AGBL4: variants seen among roughly 807,000 people sequenced by gnomAD.
AGBL4 encodes AGBL carboxypeptidase 4, also known as cytosolic carboxypeptidase 6.
AGBL4 carries 58 observed loss-of-function variants against 66.4 expected under a neutral mutation model. The ratio of observed to expected loss-of-function variants is 0.87; its 90% CI spans 0.71 to 1.09. The LOEUF (loss-of-function observed/expected upper bound fraction) is 1.09. Ranked by LOEUF, AGBL4 falls within the 50% of genes least tolerant of loss-of-function variation. The pLI, the probability that AGBL4 is intolerant of heterozygous loss-of-function variation, is 0.00. For synonymous variants in AGBL4, 234 were observed against 222.9 expected, an observed-to-expected ratio of 1.05 and a Z score of -0.44; for missense variants, 579 against 631.0, an observed-to-expected ratio of 0.92 and a Z score of 0.88.
intron 9 of AGBL4, among the ~76,000 whole-genome samples, chr1:48,601,057 C>G (rs1472616126): frequency 6.6e-6 from 1 of 152,176 alleles, no homozygotes; most frequent in Non-Finnish European, 1.5e-5. Flanking sequence ...AAATGATGAA[C>G]TCCTGACCTC....
intron 3 of AGBL4, among the ~76,000 whole-genome samples, chr1:49,498,097 T>G (rs1476035195): frequency 6.6e-6 from 1 of 152,028 alleles, no homozygotes; most frequent in Non-Finnish European, 1.5e-5. Flanking sequence ...CTTGGTTAAA[T>G]TTATTCTTAA....
In AGBL4 at chr1:49,117,234, T is replaced by C. The variant is rs531542640; in HGVS notation, c.378-71434A>G. Among the ~76,000 whole-genome samples the C allele has an allele frequency of 2.0e-5, 3 of 152,288 alleles. No individual in the cohort carries two copies. The East Asian group carries it at 5.8e-4, about 29-fold the overall frequency. On this transcript the variant is annotated intron_variant, in intron 4 of 13. Coordinates refer to ENST00000371839, the MANE Select transcript of AGBL4 (RefSeq NM_032785.4). ...AGCTCTTTAGTTTAATTAGATCCCATTTGTCTATTTTAGCTTTTGTTGCCA... is the reference window on the plus strand; with the variant it reads ...AGCTCTTTAGTTTAATTAGATCCCACTTGTCTATTTTAGCTTTTGTTGCCA...
chr1:49,531,517 T>A (rs1257406544), intron 3 of AGBL4, among the ~76,000 whole-genome samples: 1 of 152,106 alleles, frequency 6.6e-6, no homozygotes, highest in Non-Finnish European at 1.5e-5. Flanking sequence ...AAACTTACAA[T>A]AATTGTGACT....
chr1:48,821,856 C>T (rs764958891), intron 6 of AGBL4, among the ~76,000 whole-genome samples: 2 of 152,152 alleles, frequency 1.3e-5, no homozygotes, highest in Non-Finnish European at 2.9e-5. Context: ...ATTAAGAACT[C>T]ATACAAATCC....
intron 2 of AGBL4, among the ~76,000 whole-genome samples, chr1:49,699,439 T>C (rs1382626562): frequency 6.6e-6 from 1 of 152,038 alleles, no homozygotes; most frequent in Admixed American, 6.6e-5. Flanking sequence ...TGGTTCTCTT[T>C]CATTAAATGA....
At chr1:48,871,413 G>A (rs1318653841) in intron 5 of AGBL4, among the ~76,000 whole-genome samples, 6 of 150,722 alleles carry the variant, frequency 4.0e-5, no homozygotes, top group African/African-American at 1.5e-4. Context: ...GTTTGGGGTC[G>A]GGGAGAGGAC....
chr1:49,779,866 CCT>C (rs1571549985), intron 2 of AGBL4, among the ~76,000 whole-genome samples: 2 of 152,036 alleles, frequency 1.3e-5, no homozygotes, highest in African/African-American at 4.8e-5. Flanking sequence ...AATGCAAAGA[CCT>C]CCAAACTCAG....
intron 11 of AGBL4, among the ~76,000 whole-genome samples, chr1:48,576,397 T>C (rs1039915261): frequency 6.6e-6 from 1 of 152,122 alleles, no homozygotes; most frequent in Non-Finnish European, 1.5e-5. Flanking sequence ...GCCAAAAAGG[T>C]TGGGGACTGC....
At chr1:49,914,030 A>C (rs1651132654) in intron 1 of AGBL4, among the ~76,000 whole-genome samples, 1 of 152,168 alleles carries the variant, frequency 6.6e-6, no homozygotes, top group Admixed American at 6.5e-5. Context: ...CCCATTGTCT[A>C]TATGAATAGC....
At chr1:49,079,388 T>G (rs1644766891) in intron 4 of AGBL4, among the ~76,000 whole-genome samples, 1 of 152,054 alleles carries the variant, frequency 6.6e-6, no homozygotes, top group Admixed American at 6.6e-5. Flanking sequence ...TCAGGAAACT[T>G]ACAATCATGA....
At chr1:48,730,933 A>C (rs1030813193) in intron 6 of AGBL4, among the ~76,000 whole-genome samples, 2 of 152,218 alleles carry the variant, frequency 1.3e-5, no homozygotes, top group Non-Finnish European at 2.9e-5. Context: ...TCATTAGAGC[A>C]AGACTCTGCT....
intron 3 of AGBL4, among the ~76,000 whole-genome samples, chr1:49,376,429 T>G (rs557988397): frequency 5.9e-5 from 9 of 152,168 alleles, no homozygotes; most frequent in Admixed American, 1.3e-4. Context: ...GGTAGGATAC[T>G]TATTCTGTCC....
rs190921555 is a variant in AGBL4 at position 49,015,568 on chromosome 1, G to A, written c.594+30016C>T. 1.3e-4 allele frequency among the ~76,000 whole-genome samples: 19 copies of A among 151,512 alleles called. No individual in the cohort carries two copies. In the East Asian group the frequency reaches 3.7e-3, roughly 30 times the overall value. On this transcript the variant is annotated intron_variant, in intron 5 of 13. Transcript: ENST00000371839. The stretch of plus-strand genomic sequence containing the variant: ...TTCCTGAGTAGCTGGGACTACAGGC[G>A]CCCGCCACCACGCCTGGCTAATTTT...
chr1:49,567,657 T>C (rs977853696), intron 3 of AGBL4, among the ~76,000 whole-genome samples: 1 of 152,214 alleles, frequency 6.6e-6, no homozygotes, highest in Non-Finnish European at 1.5e-5. Context: ...TTTCTGCACC[T>C]ATCAACCCAT....
At chr1:49,707,649 G>T (rs760054424) in intron 2 of AGBL4, among the ~76,000 whole-genome samples, 1 of 151,902 alleles carries the variant, frequency 6.6e-6, no homozygotes, top group Non-Finnish European at 1.5e-5. Context: ...TCATAGTGTC[G>T]ATGGTCTCTA....
rs189323457 is a variant in AGBL4, at chr1:49,172,864, G to T, written c.377+72906C>A. Among the ~76,000 whole-genome samples the T allele has an allele frequency of 1.1e-3, 172 of 152,304 alleles. 1 individual carries two copies. Among genetic ancestry groups the T allele is most frequent in the African/African-American group, 4.1e-3 (169 of 41,582 alleles). Reference sequence around the variant, plus strand: ...CTCTAGGCTGGGCGCAGTGGCTCACGCCTGTAATCCCAGCACCGTGGGAGG... The same window carrying T: ...CTCTAGGCTGGGCGCAGTGGCTCACTCCTGTAATCCCAGCACCGTGGGAGG... On this transcript the variant is annotated intron_variant, in intron 4 of 13. Transcript: ENST00000371839.
At chr1:48,887,120 C>T (rs149135298) in intron 5 of AGBL4, among the ~76,000 whole-genome samples, 5 of 151,902 alleles carry the variant, frequency 3.3e-5, no homozygotes, top group South Asian at 2.1e-4. Flanking sequence ...GCTTGTGGGC[C>T]CTGGCAGAAT....
chr1:49,156,358 A>G (rs1003037840), intron 4 of AGBL4, among the ~76,000 whole-genome samples: 3 of 152,192 alleles, frequency 2.0e-5, no homozygotes, highest in African/African-American at 2.4e-5. Context: ...TGCATTGGCT[A>G]TATATTGTTG....
chr1:49,648,841 A>G (rs1645944641), intron 3 of AGBL4, among the ~76,000 whole-genome samples: 1 of 152,092 alleles, frequency 6.6e-6, no homozygotes. Flanking sequence ...TCTTGAAAGA[A>G]ATGTTAAAAG....
Sources: gnomAD v4.1 joint callset for allele counts (sites outside exome capture counted in the v4.1 genomes callset) on GRCh38, gnomAD v4.1.1 for gene constraint, MANE v1.5 for transcripts, NCBI Gene and HGNC (gene_info 2026-07-23, HGNC 2026-07-21) for gene names.